Variants in TRIM5 observed in about 807,000 individuals in gnomAD.
The protein encoded by TRIM5 is tripartite motif-containing protein 5.
In TRIM5, 31 loss-of-function variants were observed where a neutral mutation model predicts 35.6. That is an observed-to-expected ratio of 0.87 (90% confidence interval 0.65 to 1.18). The LOEUF (loss-of-function observed/expected upper bound fraction) is 1.18. TRIM5 is among the 50% of genes most tolerant of loss of function. The pLI, the probability that TRIM5 is intolerant of heterozygous loss-of-function variation, is 0.00. For synonymous variants in TRIM5, 243 were observed against 215.6 expected, an observed-to-expected ratio of 1.13 and a Z score of -1.11; for missense variants, 609 against 591.6, an observed-to-expected ratio of 1.03 and a Z score of -0.31.
chr11:5,665,731 A>G (rs371084983), intron 6 of TRIM5, 49 bp from the exon 7 acceptor site: 11 of 1,473,056 alleles, frequency 7.5e-6, no homozygotes, highest in Non-Finnish European at 9.8e-6. Context: ...AGGAGTCAGC[A>G]CTGAAATTCA....
chr11:5,644,941 A>T, the TRIM5 span, among the ~76,000 whole-genome samples: 19,052 of 152,162 alleles, frequency 0.13, 1,564 homozygotes, highest in East Asian at 0.38. Context: ...AGATCTGGTT[A>T]TTTAAGAGTG....
the TRIM5 span, chr11:5,608,223 C>T: frequency 8.6e-7 from 1 of 1,159,536 alleles, no homozygotes; most frequent in South Asian, 1.7e-5. Context: ...TAGGGACAGT[C>T]TGCCCTGAGT....
the TRIM5 span, among the ~76,000 whole-genome samples, chr11:5,652,905 G>T: frequency 6.7e-6 from 1 of 149,080 alleles, no homozygotes; most frequent in Non-Finnish European, 1.5e-5. Flanking sequence ...AGGCTGGAGT[G>T]CAGTGGCGTG....
the TRIM5 span, chr11:5,634,863 T>C: frequency 1.2e-6 from 2 of 1,611,112 alleles, no homozygotes; most frequent in Non-Finnish European, 1.7e-6. Context: ...CTGCTGCAGG[T>C]AAGAAGGTTC....
chr11:5,616,293 C>T, the TRIM5 span, among the ~76,000 whole-genome samples: 1 of 145,060 alleles, frequency 6.9e-6, no homozygotes, highest in African/African-American at 2.5e-5. Context: ...CGTACTCCAG[C>T]CTGGGCAACA....
At chr11:5,624,871 G>A in the TRIM5 span, 2 of 152,200 alleles carry the variant, frequency 1.3e-5, no homozygotes, top group African/African-American at 4.8e-5. Context: ...ATTTCACCTA[G>A]ACGCTCCTTC....
the TRIM5 span, among the ~76,000 whole-genome samples, chr11:5,646,643 G>GA: frequency 3.3e-5 from 5 of 151,928 alleles, no homozygotes; most frequent in South Asian, 8.3e-4. Flanking sequence ...CCCTAGGAAT[G>GA]AAAAAAAATT....
intron 4 of TRIM5, among the ~76,000 whole-genome samples, chr11:5,677,341 G>A (rs1207250956): frequency 2.6e-5 from 4 of 152,154 alleles, no homozygotes; most frequent in South Asian, 2.1e-4. Context: ...CAGCCAAAAA[G>A]CACATGAAAA....
the TRIM5 span, among the ~76,000 whole-genome samples, chr11:5,625,765 T>G: frequency 2.0e-5 from 3 of 152,222 alleles, no homozygotes; most frequent in East Asian, 5.8e-4. Flanking sequence ...TTACTTTTAC[T>G]TCAGTAACCC....
chr11:5,683,037 C>G (rs550857231), intron 1 of TRIM5, among the ~76,000 whole-genome samples: 8 of 148,066 alleles, frequency 5.4e-5, no homozygotes, highest in African/African-American at 1.7e-4. Context: ...GCCCCGCACT[C>G]GGAGTGGCCG....
the TRIM5 span, chr11:5,633,911 T>C: frequency 6.2e-7 from 1 of 1,613,166 alleles, no homozygotes. Flanking sequence ...CAAGAGGAGA[T>C]TCTGAAGGTT....
the TRIM5 span, among the ~76,000 whole-genome samples, chr11:5,617,901 G>T: frequency 6.6e-6 from 1 of 152,022 alleles, no homozygotes; most frequent in African/African-American, 2.4e-5. Context: ...CTCAAAGTTG[G>T]ACACATATGA....
the TRIM5 span, chr11:5,608,356 T>A: frequency 1.2e-6 from 2 of 1,613,394 alleles, no homozygotes; most frequent in South Asian, 1.1e-5. Flanking sequence ...ACTTAACCTG[T>A]CTTTTTCCTT....
At chr11:5,604,782 A>G in the TRIM5 span, 5 of 711,886 alleles carry the variant, frequency 7.0e-6, no homozygotes, top group Non-Finnish European at 1.1e-5. Flanking sequence ...CCTTCCAAAC[A>G]GGGGGAGGAG....
At chr11:5,631,174 C>T in the TRIM5 span, among the ~76,000 whole-genome samples, 183 of 152,208 alleles carry the variant, frequency 1.2e-3, no homozygotes, top group Admixed American at 3.2e-3. Context: ...TCCTATCAAC[C>T]TCTGTAACAT....
the TRIM5 span, chr11:5,633,889 C>A: frequency 1.2e-6 from 2 of 1,613,856 alleles, no homozygotes; most frequent in Admixed American, 1.7e-5. Flanking sequence ...GAAGAGAAAA[C>A]TTCCTGGAAG....
At chr11:5,601,924 G>A in the TRIM5 span, among the ~76,000 whole-genome samples, 1 of 152,122 alleles carries the variant, frequency 6.6e-6, no homozygotes, top group Non-Finnish European at 1.5e-5. Flanking sequence ...GTGATGCAAA[G>A]GTGATGGCAG....
intron 3 of TRIM5, 34 bp from the exon 4 acceptor site, chr11:5,678,468 G>A: frequency 6.8e-7 from 1 of 1,469,414 alleles, no homozygotes; most frequent in Non-Finnish European, 9.1e-7. Flanking sequence ...GGGGCACTCA[G>A]TCTACCAGGC....
At chr11:5,660,037 C>T (rs764808772), downstream of TRIM5, among the ~76,000 whole-genome samples, 13 of 151,796 alleles carry the variant, frequency 8.6e-5, no homozygotes, top group East Asian at 1.9e-4. Flanking sequence ...CGTGCAGTGG[C>T]GAGATCTCGG....
Sources: gnomAD v4.1 joint callset for allele counts (sites outside exome capture counted in the v4.1 genomes callset) on GRCh38, gnomAD v4.1.1 for gene constraint, MANE v1.5 for transcripts, NCBI Gene and HGNC (gene_info 2026-07-23, HGNC 2026-07-21) for gene names.